KLHL8: variants seen among roughly 807,000 people sequenced by gnomAD.
KLHL8 encodes kelch-like protein 8.
KLHL8 carries 38 observed loss-of-function variants against 63.5 expected under a neutral mutation model. That is an observed-to-expected ratio of 0.60 (90% CI 0.46 to 0.78). The LOEUF (loss-of-function observed/expected upper bound fraction) is 0.78. Ranked by LOEUF, KLHL8 falls within the 30% of genes least tolerant of loss-of-function variation. KLHL8 has a pLI of 0.00. For missense variants in KLHL8, 566 were observed against 752.4 expected (o/e 0.75, Z 2.90); for synonymous variants, 224 against 254.3 (o/e 0.88, Z 1.13).
chr4:87,202,073 G>A (rs1578390002), intron 1 of KLHL8, among the ~76,000 whole-genome samples: 1 of 151,582 alleles, frequency 6.6e-6, no homozygotes, highest in Non-Finnish European at 1.5e-5. Flanking sequence ...TCACACCGCT[G>A]CACTCCAGCC....
chr4:87,214,433 T>TAA (rs1229804477), intron 1 of KLHL8, among the ~76,000 whole-genome samples: 2 of 76,032 alleles, frequency 2.6e-5, no homozygotes, highest in African/African-American at 4.1e-5. Flanking sequence ...TATATATATA[T>TAA]ATATATATAT....
In KLHL8 at chr4:87,169,883, A is replaced by C. The variant is rs1043963034; in HGVS notation, c.1537+196T>G. ...GTCTCCCTCTGAAAAAAAAAAAAAC[A>C]AAGAATTCAAAAGCATCAGACTGAA... On this transcript the variant is annotated intron_variant, in intron 8 of 9. Transcript: ENST00000273963. 1.1e-4 allele frequency among the ~76,000 whole-genome samples: 16 copies of C among 150,634 alleles called. No homozygotes were observed. The South Asian group carries it at 2.3e-3, about 22-fold the overall frequency.
chr4:87,220,667 T>G (rs1732808356), upstream of KLHL8: 1 of 152,042 alleles, frequency 6.6e-6, no homozygotes, highest in Non-Finnish European at 1.5e-5. Context: ...CTGGGAAGTG[T>G]GGTTCTCGGG....
intron 1 of KLHL8, among the ~76,000 whole-genome samples, chr4:87,210,558 T>C (rs1314768810): frequency 6.6e-6 from 1 of 152,202 alleles, no homozygotes; most frequent in Admixed American, 6.5e-5. Flanking sequence ...AAAGATTATA[T>C]TTTATAGCAG....
At chr4:87,182,549 A>G (rs923631889) in intron 4 of KLHL8, among the ~76,000 whole-genome samples, 1 of 152,072 alleles carries the variant, frequency 6.6e-6, no homozygotes, top group Non-Finnish European at 1.5e-5. Context: ...CATGTCTCAA[A>G]TATGTTACGC....
chr4:87,214,450 AT>A (rs1732521128), intron 1 of KLHL8, among the ~76,000 whole-genome samples: 1 of 124,678 alleles, frequency 8.0e-6, no homozygotes, highest in Non-Finnish European at 1.6e-5. Flanking sequence ...ATATATATAT[AT>A]ATATATATAA....
chr4:87,195,574 C>G lies in KLHL8; in HGVS notation c.-35G>C. On this transcript the variant is annotated 5_prime_UTR_variant, in exon 2 of 10. Coordinates refer to ENST00000273963, the MANE Select transcript of KLHL8 (RefSeq NM_020803.5). ...TCCTCTTTTAATAGAGCTCTCTTCT[C>G]AAACATGCCATTTATTTTTTTTCAA... 1 of 1,538,222 alleles carries G rather than the reference C, an allele frequency of 6.5e-7. No individual in the cohort carries two copies. Among genetic ancestry groups the G allele is most frequent in the Non-Finnish European group, 8.9e-7 (1 of 1,118,082 alleles).
chr4:87,240,530 A>G (rs2110076413), upstream of KLHL8, among the ~76,000 whole-genome samples: 1 of 152,262 alleles, frequency 6.6e-6, no homozygotes, highest in African/African-American at 2.4e-5. Context: ...TGTGTTAGGA[A>G]TAAATGAGCT....
intron 2 of KLHL8, among the ~76,000 whole-genome samples, chr4:87,188,931 C>T (rs1731364582): frequency 6.6e-6 from 1 of 152,112 alleles, no homozygotes; most frequent in Admixed American, 6.5e-5. Flanking sequence ...GATCAGTGAA[C>T]GTGTGACTAA....
At chr4:87,181,679 T>TTAACTTAA (rs1376709944) in intron 4 of KLHL8, among the ~76,000 whole-genome samples, 2 of 152,102 alleles carry the variant, frequency 1.3e-5, no homozygotes, top group African/African-American at 4.8e-5. Flanking sequence ...CGGCATATTT[T>TTAACTTAA]TAACTTAATT....
intron 8 of KLHL8, among the ~76,000 whole-genome samples, chr4:87,165,128 C>G (rs559122827): frequency 4.2e-5 from 5 of 119,802 alleles, no homozygotes; most frequent in African/African-American, 9.8e-5. Flanking sequence ...CCAGCCTGGG[C>G]GACAGAGCAA....
chr4:87,170,372 T>TA (rs1350145897), intron 7 of KLHL8, 75 bp downstream of exon 7: 15 of 1,464,194 alleles, frequency 1.0e-5, no homozygotes, highest in Non-Finnish European at 1.3e-5. Flanking sequence ...CTGGTGATGA[T>TA]ATATTGGACC....
chr4:87,229,434 TTG>T (rs1372663803), intron 1 of KLHL8, among the ~76,000 whole-genome samples: 2 of 72,016 alleles, frequency 2.8e-5, no homozygotes, highest in African/African-American at 1.4e-4. Flanking sequence ...TTTTTTTTTT[TTG>T]GTGGGGGGGG....
At chr4:87,202,069 C>T (rs964654361) in intron 1 of KLHL8, among the ~76,000 whole-genome samples, 2 of 151,370 alleles carry the variant, frequency 1.3e-5, no homozygotes, top group East Asian at 3.9e-4. Context: ...GAGATCACAC[C>T]GCTGCACTCC....
chr4:87,190,119 CAT>C (rs1337920473), intron 2 of KLHL8, among the ~76,000 whole-genome samples: 3 of 151,408 alleles, frequency 2.0e-5, no homozygotes, highest in Admixed American at 2.0e-4. Context: ...GAAAATTTTC[CAT>C]ATCAGTTGAA....
rs180905918 is a variant in KLHL8, at chr4:87,189,785, C to G, written c.217-3986G>C. Among the ~76,000 whole-genome samples the G allele has an allele frequency of 3.2e-3, 483 of 151,566 alleles. 3 individuals are homozygous for G. Among genetic ancestry groups the G allele is most frequent in the African/African-American group, 0.011 (455 of 41,304 alleles). The stretch of plus-strand genomic sequence containing the variant: ...ACGCCTGTAATCCCAGCACTTTGGG[C>G]GGGATCCACCGAGGAGGGCGGATCA... On this transcript the variant is annotated intron_variant, in intron 2 of 9. Transcript: ENST00000273963.
chr4:87,170,750 A>G, intron 6 of KLHL8, 135 bp from the exon 7 acceptor site: 1 of 808,742 alleles, frequency 1.2e-6, no homozygotes, highest in Non-Finnish European at 1.9e-6. Flanking sequence ...TTATTTTTAG[A>G]TCTATCAAAG....
chr4:87,234,452 G>A, intron 1 of KLHL8, among the ~76,000 whole-genome samples: 1 of 137,488 alleles, frequency 7.3e-6, no homozygotes, highest in African/African-American at 2.8e-5. Flanking sequence ...AAAAAAAAAA[G>A]ATTATAGTGG....
chr4:87,198,878 T>C (rs1289336216), intron 1 of KLHL8, among the ~76,000 whole-genome samples: 2 of 152,246 alleles, frequency 1.3e-5, no homozygotes, highest in African/African-American at 2.4e-5. Flanking sequence ...AGAAGCAGCC[T>C]AAATGTCCTT....
Sources: allele counts gnomAD v4.1 joint callset (sites outside exome capture counted in the v4.1 genomes callset), GRCh38; gene constraint gnomAD v4.1.1; transcripts MANE v1.5; gene names NCBI Gene and HGNC (gene_info 2026-07-23, HGNC 2026-07-21).